Variants in CDS1 observed in about 807,000 individuals in gnomAD.
CDS1 encodes phosphatidate cytidylyltransferase 1.
Under a neutral mutation model 62.1 loss-of-function variants are expected in CDS1, and 41 were observed. The ratio of observed to expected loss-of-function variants is 0.66; its 90% confidence interval spans 0.51 to 0.86. CDS1 has a LOEUF of 0.86. Among genes scored for constraint, CDS1 ranks in the 40% least tolerant of loss-of-function variants. The probability of loss-of-function intolerance (pLI) is 0.00; values close to 1 mark genes in which losing one functional copy is unlikely to be tolerated. For synonymous variants in CDS1, 185 were observed against 192.6 expected (o/e 0.96, Z 0.32); for missense variants, 470 against 550.1 (o/e 0.85, Z 1.46).
chr4:84,601,655 G>A (rs1388412743), intron 1 of CDS1, among the ~76,000 whole-genome samples: 3 of 152,164 alleles, frequency 2.0e-5, no homozygotes, highest in African/African-American at 7.2e-5. Context: ...GCTCACCCCT[G>A]TAATCCCAGC....
At chr4:84,585,210 ATATT>A (rs1722378013) in intron 1 of CDS1, among the ~76,000 whole-genome samples, 1 of 152,174 alleles carries the variant, frequency 6.6e-6, no homozygotes, top group Non-Finnish European at 1.5e-5. Flanking sequence ...ACCTCGCTGC[ATATT>A]TATTTATTTA....
At chr4:84,624,726 G>A (rs999024327) in intron 5 of CDS1, among the ~76,000 whole-genome samples, 2 of 152,072 alleles carry the variant, frequency 1.3e-5, no homozygotes, top group African/African-American at 4.8e-5. Flanking sequence ...AGTGTGGACC[G>A]ATAGTGTAGT....
chr4:84,583,611 T>C, intron 1 of CDS1, 93 bp downstream of exon 1: 1 of 696,574 alleles, frequency 1.4e-6, no homozygotes, highest in South Asian at 2.0e-5. Flanking sequence ...CCGTCCAGCG[T>C]CAGGTGAGGC....
intron 2 of CDS1, among the ~76,000 whole-genome samples, chr4:84,608,421 A>G (rs973253220): frequency 7.9e-5 from 12 of 152,134 alleles, no homozygotes; most frequent in East Asian, 2.0e-4. Flanking sequence ...TGATCTGCCC[A>G]CCTCGGCCTC....
chr4:84,596,499 GCTT>G (rs987145575), intron 1 of CDS1, among the ~76,000 whole-genome samples: 3 of 152,226 alleles, frequency 2.0e-5, no homozygotes, highest in Admixed American at 6.5e-5. Flanking sequence ...CTATACCTCT[GCTT>G]CTGTCATCTC....
chr4:84,584,639 C>G (rs534437777), intron 1 of CDS1, among the ~76,000 whole-genome samples: 71 of 152,156 alleles, frequency 4.7e-4, no homozygotes, highest in African/African-American at 1.5e-3. Flanking sequence ...TTGATGTAAC[C>G]CAAATTACAA....
chr4:84,618,162 C>T (rs1460754256), intron 4 of CDS1, among the ~76,000 whole-genome samples: 1 of 152,140 alleles, frequency 6.6e-6, no homozygotes, highest in Non-Finnish European at 1.5e-5. Flanking sequence ...TCATTGCTCT[C>T]AGAACCTTGA....
rs774264294 is a variant in CDS1, at chr4:84,633,951, G to C, written c.722+12G>C. 2.0e-6 allele frequency: 3 copies of C among 1,504,902 alleles called. No homozygotes were observed. Among genetic ancestry groups the C allele is most frequent in the Non-Finnish European group, 2.8e-6 (3 of 1,088,120 alleles). The allele number at this position is 1,504,902 out of a possible 1,614,324, so 93.2% of individuals were successfully genotyped here. On this transcript the variant is annotated intron_variant, in intron 7 of 12. Transcript: ENST00000295887. ...GAAGGCATGATATGGTAAGGCAACA[G>C]AATTATGCTGCTTTATAAGTATGTC... is the stretch of plus-strand genomic sequence containing the variant.
intron 3 of CDS1, among the ~76,000 whole-genome samples, chr4:84,616,480 A>G (rs1035680655): frequency 6.6e-6 from 1 of 152,244 alleles, no homozygotes; most frequent in Non-Finnish European, 1.5e-5. Flanking sequence ...AGAGTTTGGT[A>G]AGCTTTTTCT....
chr4:84,641,252 A>G (rs1724375587), intron 10 of CDS1, among the ~76,000 whole-genome samples: 1 of 152,118 alleles, frequency 6.6e-6, no homozygotes. Context: ...TTTTAAGTAG[A>G]GACGGGTGTT....
At chr4:84,640,175 T>A (rs995613838) in intron 9 of CDS1, among the ~76,000 whole-genome samples, 3 of 147,938 alleles carry the variant, frequency 2.0e-5, no homozygotes, top group African/African-American at 7.4e-5. Flanking sequence ...AATATATATT[T>A]TATATATATA....
chr4:84,616,043 T>C (rs1723482541), intron 3 of CDS1, among the ~76,000 whole-genome samples: 1 of 152,242 alleles, frequency 6.6e-6, no homozygotes, highest in East Asian at 1.9e-4. Flanking sequence ...AAATACAATT[T>C]ATAGTGCCAG....
intron 2 of CDS1, among the ~76,000 whole-genome samples, chr4:84,608,737 T>C (rs943163787): frequency 6.6e-6 from 1 of 152,088 alleles, no homozygotes; most frequent in African/African-American, 2.4e-5. Context: ...GCCATCCTAA[T>C]TGGGCATCAT....
chr4:84,614,298 C>G (rs1014754874), intron 3 of CDS1, among the ~76,000 whole-genome samples: 2 of 151,962 alleles, frequency 1.3e-5, no homozygotes, highest in African/African-American at 4.8e-5. Flanking sequence ...GTTCTGTGGT[C>G]TTTATAATCA....
At position 84,631,807 on chromosome 4, in the gene CDS1, G is replaced by A. The variant is rs1056384835; in HGVS notation, c.581-12G>A. 7.5e-6 allele frequency: 12 copies of A among 1,610,096 alleles called. No homozygotes were observed. The highest frequency in any genetic ancestry group is 1.0e-5 in the Non-Finnish European group (12 of 1,176,992). On this transcript the variant is annotated splice_polypyrimidine_tract_variant and intron_variant, in intron 5 of 12. Transcript: ENST00000295887. Reference sequence around the variant, plus strand: ...ATTGTACAACGAGCACATGTTTTTTGTTCTTGAACAGGTTTCTGCATGTTT... The same window carrying A: ...ATTGTACAACGAGCACATGTTTTTTATTCTTGAACAGGTTTCTGCATGTTT...
intron 1 of CDS1, among the ~76,000 whole-genome samples, chr4:84,590,703 G>T (rs980446636): frequency 1.3e-5 from 2 of 152,180 alleles, no homozygotes; most frequent in Non-Finnish European, 2.9e-5. Context: ...TTGCCTGGGG[G>T]TGTGCCTTGG....
In CDS1 at chr4:84,604,266, T is replaced by C. The variant is rs140772519; in HGVS notation, c.141T>C (p.Tyr47=). The stretch of plus-strand genomic sequence containing the variant: ...AGGAAACAGATATTGATGACAGATA[T>C]GGAGATTTGGATTCCAGAACAGATT... ...SDKETDIDDR[Y]GDLDSRTDSD... Residue 47 remains tyrosine (Y), a synonymous_variant, in exon 2 of 13, where the codon TAT becomes TAC. Coordinates refer to ENST00000295887, the MANE Select transcript of CDS1 (RefSeq NM_001263.4). 2.3e-5 allele frequency: 37 copies of C among 1,612,206 alleles called. No individual in the cohort carries two copies. Among genetic ancestry groups the C allele is most frequent in the Non-Finnish European group, 2.7e-5 (32 of 1,179,124 alleles).
At chr4:84,622,114 G>A (rs1723705187) in intron 5 of CDS1, among the ~76,000 whole-genome samples, 1 of 152,162 alleles carries the variant, frequency 6.6e-6, no homozygotes. Context: ...GTAGATTCTG[G>A]AATGGATTCT....
At chr4:84,619,007 TACAC>T (rs1213582526) in intron 4 of CDS1, among the ~76,000 whole-genome samples, 2 of 140,366 alleles carry the variant, frequency 1.4e-5, no homozygotes, top group East Asian at 2.1e-4. Flanking sequence ...CACACAAACA[TACAC>T]ACATTATACA....
Sources: allele counts gnomAD v4.1 joint callset (sites outside exome capture counted in the v4.1 genomes callset), GRCh38; gene constraint gnomAD v4.1.1; transcripts MANE v1.5; gene names NCBI Gene and HGNC (gene_info 2026-07-23, HGNC 2026-07-21).